ROBO1: variants seen among roughly 807,000 people sequenced by gnomAD.
ROBO1 encodes the protein roundabout homolog 1.
ROBO1 carries 149 observed loss-of-function variants against 195.9 expected under a neutral mutation model. The ratio of observed to expected loss-of-function variants is 0.76; its 90% CI spans 0.67 to 0.87. The LOEUF is 0.87. ROBO1 is among the 40% of genes least tolerant of loss of function. The pLI, the probability that ROBO1 is intolerant of heterozygous loss-of-function variation, is 0.00. For synonymous variants in ROBO1, 816 were observed against 733.2 expected (o/e 1.11, Z -1.82); for missense variants, 1,933 against 2,068.3 (o/e 0.93, Z 1.27).
At chr3:78,630,604 A>G (rs545370765) in intron 25 of ROBO1, among the ~76,000 whole-genome samples, 115 of 152,302 alleles carry the variant, frequency 7.6e-4, no homozygotes, top group Non-Finnish European at 1.3e-3. Context: ...TGGTGGTACC[A>G]TGTCCAGTTC....
chr3:78,617,107 C>A (rs1394462943), intron 27 of ROBO1, among the ~76,000 whole-genome samples: 1 of 151,956 alleles, frequency 6.6e-6, no homozygotes, highest in East Asian at 1.9e-4. Flanking sequence ...TTTGAGAGGA[C>A]ATAAAGAGAA....
At chr3:78,828,021 A>C (rs886095415) in intron 4 of ROBO1, among the ~76,000 whole-genome samples, 1 of 152,220 alleles carries the variant, frequency 6.6e-6, no homozygotes, top group Non-Finnish European at 1.5e-5. Context: ...AAAAAATAAA[A>C]ACAGATACTA....
intron 4 of ROBO1, among the ~76,000 whole-genome samples, chr3:78,760,078 C>T (rs187649475): frequency 1.8e-4 from 28 of 152,196 alleles, no homozygotes; most frequent in Admixed American, 1.4e-3. Flanking sequence ...GAAAGTCTCA[C>T]GAGATCTGAC....
At position 78,662,095 on chromosome 3, in the gene ROBO1, C is replaced by T. The variant is rs1707449717; in HGVS notation, c.1986G>A (p.Gln662=). The change falls in exon 15 of 31, where the codon CAG becomes CAA. Residue 662 remains glutamine (Q), a synonymous_variant. Coordinates refer to ENST00000464233, the MANE Select transcript of ROBO1 (RefSeq NM_002941.4). Reference sequence around the variant, plus strand: ...TCTGGACCTGCTTGTGGTCCACCCCCTGACTTGTTGGTAGGACATCTACAA... The same window carrying T: ...TCTGGACCTGCTTGTGGTCCACCCCTTGACTTGTTGGTAGGACATCTACAA... ...VKTQDVLPTS[Q]GVDHKQVQRE... 1 of 1,565,604 alleles carries T rather than the reference C, an allele frequency of 6.4e-7. No individual in the cohort carries two copies. Among genetic ancestry groups the T allele is most frequent in the South Asian group, 1.2e-5 (1 of 85,050 alleles).
At chr3:79,022,573 T>C (rs2108278258) in intron 3 of ROBO1, among the ~76,000 whole-genome samples, 1 of 152,344 alleles carries the variant, frequency 6.6e-6, no homozygotes, top group South Asian at 2.1e-4. Context: ...AGTGTACACA[T>C]GTGGACAGGG....
At chr3:79,583,985 A>G (rs570354150) in intron 2 of ROBO1, among the ~76,000 whole-genome samples, 20 of 151,972 alleles carry the variant, frequency 1.3e-4, no homozygotes, top group Non-Finnish European at 2.8e-4. Flanking sequence ...ACCAAAACAA[A>G]GAAAAAAGTA....
chr3:79,682,245 C>T (rs1420912067), intron 1 of ROBO1, among the ~76,000 whole-genome samples: 1 of 151,926 alleles, frequency 6.6e-6, no homozygotes, highest in African/African-American at 2.4e-5. Flanking sequence ...AGCATTTTAG[C>T]TCAAAATTTG....
rs1576543444 is a variant in ROBO1 at position 79,001,099 on chromosome 3, C to A, written c.173-62172G>T. Among the ~76,000 whole-genome samples the A allele has an allele frequency of 2.0e-5, 3 of 151,940 alleles. 1 individual carries two copies. The East Asian group carries it at 5.8e-4, about 30-fold the overall frequency. ...GAACACATGGACACAGGAAGGGGAACATCACACACCGGGGCCTGTCAGGGG... is the reference window on the plus strand; with the variant it reads ...GAACACATGGACACAGGAAGGGGAAAATCACACACCGGGGCCTGTCAGGGG... On this transcript the variant is annotated intron_variant, in intron 3 of 30. Coordinates refer to ENST00000464233, the MANE Select transcript of ROBO1 (RefSeq NM_002941.4).
intron 4 of ROBO1, among the ~76,000 whole-genome samples, chr3:78,905,490 G>A (rs1372157951): frequency 6.6e-6 from 1 of 152,012 alleles, no homozygotes; most frequent in Non-Finnish European, 1.5e-5. Context: ...GTGGTAGTAT[G>A]CACCTATAGT....
intron 4 of ROBO1, among the ~76,000 whole-genome samples, chr3:78,860,253 G>A (rs1430089638): frequency 6.9e-6 from 1 of 143,908 alleles, no homozygotes; most frequent in Non-Finnish European, 1.5e-5. Flanking sequence ...TAATACAGAT[G>A]TTCATGGAAT....
rs1705320463 is a variant in ROBO1, at chr3:78,633,781, TCA to T, written c.3481+152_3481+153del. ...AATGATTTAGTGAGTGGAAAGTCCC[TCA>T]AATTGCAGAGACAAGACACATGCCT... On this transcript the variant is annotated intron_variant, in intron 24 of 30. Transcript: ENST00000464233. 6.3e-5 allele frequency: 28 copies of T among 446,472 alleles called. 2 individuals carry two copies. The South Asian group carries it at 1.8e-3, about 28-fold the overall frequency. 27.7% of individuals were successfully genotyped at this position (446,472 alleles called of 1,614,324 possible).
chr3:78,961,466 A>T (rs943023759), intron 3 of ROBO1, among the ~76,000 whole-genome samples: 37 of 152,298 alleles, frequency 2.4e-4, no homozygotes, highest in African/African-American at 7.0e-4. Flanking sequence ...GATTTTTTTT[A>T]AATTATCTCA....
At chr3:79,322,912 C>T (rs371298805) in intron 2 of ROBO1, among the ~76,000 whole-genome samples, 1 of 152,094 alleles carries the variant, frequency 6.6e-6, no homozygotes, top group African/African-American at 2.4e-5. Context: ...AAATTTGCAT[C>T]AATTTGTTAA....
At chr3:79,664,097 A>G (rs1288352413) in intron 1 of ROBO1, among the ~76,000 whole-genome samples, 3 of 151,992 alleles carry the variant, frequency 2.0e-5, no homozygotes, top group African/African-American at 7.2e-5. Context: ...TAAATCACTT[A>G]CCATGTTCTA....
intron 1 of ROBO1, among the ~76,000 whole-genome samples, chr3:79,703,755 A>G (rs1217086883): frequency 6.6e-6 from 1 of 152,018 alleles, no homozygotes; most frequent in Admixed American, 6.6e-5. Context: ...GAAACTTAGA[A>G]GAATGAAATT....
At chr3:78,847,580 T>C (rs2033753812) in intron 4 of ROBO1, among the ~76,000 whole-genome samples, 3 of 152,190 alleles carry the variant, frequency 2.0e-5, no homozygotes, top group Admixed American at 2.0e-4. Context: ...AAGACTTCCC[T>C]TTTCAAATAA....
intron 10 of ROBO1, among the ~76,000 whole-genome samples, chr3:78,682,297 T>C (rs1160952006): frequency 6.6e-6 from 1 of 151,516 alleles, no homozygotes; most frequent in Non-Finnish European, 1.5e-5. Flanking sequence ...AATATATATA[T>C]ATTGAAAAAA....
intron 1 of ROBO1, among the ~76,000 whole-genome samples, chr3:79,757,074 C>T (rs1209221557): frequency 2.0e-5 from 3 of 152,108 alleles, no homozygotes; most frequent in Non-Finnish European, 4.4e-5. Context: ...TCCATAGACA[C>T]TGGGGCTTTT....
intron 1 of ROBO1, among the ~76,000 whole-genome samples, chr3:79,711,785 T>C (rs1359088303): frequency 6.6e-6 from 1 of 152,152 alleles, no homozygotes; most frequent in Admixed American, 6.6e-5. Context: ...ATGTCATTGT[T>C]CTTACATTAT....
Sources: gnomAD v4.1 joint callset for allele counts (sites outside exome capture counted in the v4.1 genomes callset) on GRCh38, gnomAD v4.1.1 for gene constraint, MANE v1.5 for transcripts, NCBI Gene and HGNC (gene_info 2026-07-23, HGNC 2026-07-21) for gene names.